The following APLF variants were observed in gnomAD, a reference collection of about 807,000 sequenced individuals.
APLF encodes aprataxin and PNKP like factor.
In APLF, 61 loss-of-function variants were observed where a neutral mutation model predicts 55.6. That is an observed-to-expected ratio of 1.10 (90% CI 0.89 to 1.36). APLF has a LOEUF of 1.36. Ranked by LOEUF, APLF falls within the 40% of genes most tolerant of loss-of-function variation. APLF has a pLI of 0.00. For missense variants in APLF, 611 were observed against 602.5 expected (o/e 1.01, Z -0.15); for synonymous variants, 207 against 214.8 (o/e 0.96, Z 0.32).
At chr2:68,555,044 G>GT (rs1670965723) in intron 8 of APLF, among the ~76,000 whole-genome samples, 2 of 151,908 alleles carry the variant, frequency 1.3e-5, no homozygotes, top group Non-Finnish European at 2.9e-5. Flanking sequence ...AGATGTTTGT[G>GT]TTTATAAAGT....
chr2:68,484,831 T>TA lies in APLF; in HGVS notation c.97-5348dup, dbSNP rs540905979. On this transcript the variant is annotated intron_variant, in intron 1 of 9. Transcript: ENST00000303795. ...GGCCAAAATGGCAAAATCCCATCTC[T>TA]AAAAAAAAAAATAAATACAACAATT... 2.0e-3 allele frequency among the ~76,000 whole-genome samples: 296 copies of TA among 146,642 alleles called. 2 individuals carry two copies. The highest frequency in any genetic ancestry group is 6.0e-3 in the African/African-American group (239 of 40,162).
At chr2:68,565,954 C>T (rs1429331022) in intron 8 of APLF, among the ~76,000 whole-genome samples, 1 of 152,066 alleles carries the variant, frequency 6.6e-6, no homozygotes, top group Non-Finnish European at 1.5e-5. Flanking sequence ...GGGTGAACTT[C>T]ATCTCCTTAG....
At position 68,551,811 on chromosome 2, in the gene APLF, C is replaced by T. The variant is rs74875793; in HGVS notation, c.1286+6499C>T. ...TTTTCTGCCTCTTTGTGTCTAGCAA[C>T]GCTTTATTGCAATTCTAACATATTT... On this transcript the variant is annotated intron_variant, in intron 8 of 9. Coordinates refer to ENST00000303795, the MANE Select transcript of APLF (RefSeq NM_173545.3). Among the ~76,000 whole-genome samples, 1,176 of 150,038 alleles carry T rather than the reference C, an allele frequency of 7.8e-3. 15 individuals are homozygous for T. Among genetic ancestry groups the T allele is most frequent in the African/African-American group, 0.028 (1,124 of 40,758 alleles).
chr2:68,518,061 A>G (rs913084620), intron 5 of APLF, among the ~76,000 whole-genome samples: 3 of 135,864 alleles, frequency 2.2e-5, no homozygotes, highest in Non-Finnish European at 3.1e-5. Context: ...TCATTAATAT[A>G]TAATATATCA....
chr2:68,521,189 G>A (rs72901932), intron 5 of APLF, among the ~76,000 whole-genome samples: 14,104 of 151,806 alleles, frequency 0.093, 787 homozygotes, highest in African/African-American at 0.14. Context: ...CTGGTTTTGT[G>A]TCCTGAAACT....
intron 6 of APLF, among the ~76,000 whole-genome samples, chr2:68,532,097 C>T (rs1670274102): frequency 6.6e-6 from 1 of 152,142 alleles, no homozygotes; most frequent in Non-Finnish European, 1.5e-5. Flanking sequence ...AGAGCCTTTC[C>T]AAACCCCACC....
At chr2:68,555,146 T>G (rs1670969673) in intron 8 of APLF, among the ~76,000 whole-genome samples, 1 of 152,108 alleles carries the variant, frequency 6.6e-6, no homozygotes, top group African/African-American at 2.4e-5. Context: ...TCTCACCTTA[T>G]ACAAAAATCA....
intron 2 of APLF, among the ~76,000 whole-genome samples, chr2:68,491,941 T>G (rs1362428004): frequency 6.6e-6 from 1 of 152,198 alleles, no homozygotes. Flanking sequence ...AAGAAACCCT[T>G]CTTATAACAA....
At chr2:68,557,974 T>TTTCTATATATGC (rs1671060916) in intron 8 of APLF, among the ~76,000 whole-genome samples, 1 of 152,074 alleles carries the variant, frequency 6.6e-6, no homozygotes, top group East Asian at 1.9e-4. Context: ...TCTGCATATA[T>TTTCTATATATGC]AGAAAGTAAC....
In APLF at chr2:68,538,223, T is replaced by C; in HGVS notation, c.1156T>C (p.Tyr386His). The change falls in exon 7 of 10, where the codon TAT (tyrosine) becomes CAT (histidine). Residue 386 changes from tyrosine (Y) to histidine (H), a missense_variant. Coordinates refer to ENST00000303795, the MANE Select transcript of APLF (RefSeq NM_173545.3). ...RTSCMYGANC[Y>H]RKNPVHFQHF... ...ATCCTGCATGTATGGGGCAAACTGC[T>C]ATAGGTAAAATGAAATTACAGTAAC... 6 of 1,591,434 alleles carry C rather than the reference T, an allele frequency of 3.8e-6. No homozygotes were observed. The highest frequency in any genetic ancestry group is 5.1e-6 in the Non-Finnish European group (6 of 1,170,988).
At chr2:68,554,747 T>G (rs1365288597) in intron 8 of APLF, among the ~76,000 whole-genome samples, 1 of 152,064 alleles carries the variant, frequency 6.6e-6, no homozygotes, top group Non-Finnish European at 1.5e-5. Flanking sequence ...ACATTGATTT[T>G]GTATCCGGAA....
intron 8 of APLF, 124 bp downstream of exon 8, chr2:68,545,436 T>C (rs1670678965): frequency 1.6e-6 from 2 of 1,238,210 alleles, no homozygotes; most frequent in South Asian, 4.2e-5. Context: ...TTCTGTAGAT[T>C]ACAGGTTTTC....
chr2:68,501,423 A>G (rs941384174), intron 2 of APLF, among the ~76,000 whole-genome samples: 1 of 150,772 alleles, frequency 6.6e-6, no homozygotes, highest in Non-Finnish European at 1.5e-5. Flanking sequence ...ATAAGATTGT[A>G]CTTAAAAAAA....
At chr2:68,513,021 A>G (rs1669443687) in intron 3 of APLF, 59 bp from the exon 4 acceptor site, 1 of 1,482,384 alleles carries the variant, frequency 6.7e-7, no homozygotes, top group Admixed American at 2.0e-5. Context: ...ATGTAGTTCT[A>G]AGGCAGCAGA....
chr2:68,496,262 C>T lies in APLF; in HGVS notation c.168+6001C>T, dbSNP rs111816336. 2.0e-3 allele frequency among the ~76,000 whole-genome samples: 298 copies of T among 152,084 alleles called. 1 individual carries two copies. Among genetic ancestry groups the T allele is most frequent in the African/African-American group, 6.5e-3 (271 of 41,496 alleles). On this transcript the variant is annotated intron_variant, in intron 2 of 9. Transcript: ENST00000303795. ...GACTACAGGCGCGTGTCACCACGCC[C>T]GGCTAATTTTTTTTGTATTTTTAGT... is the stretch of plus-strand genomic sequence containing the variant.
At chr2:68,516,980 A>C (rs1299541953) in intron 5 of APLF, among the ~76,000 whole-genome samples, 2 of 125,310 alleles carry the variant, frequency 1.6e-5, no homozygotes, top group Admixed American at 9.6e-5. Context: ...AATATAATAT[A>C]ATTATATATA....
chr2:68,486,850 ATT>A (rs1202558658), intron 1 of APLF, among the ~76,000 whole-genome samples: 1 of 152,138 alleles, frequency 6.6e-6, no homozygotes, highest in Non-Finnish European at 1.5e-5. Flanking sequence ...TGAAGTTTTA[ATT>A]TAAACTTGGT....
intron 8 of APLF, among the ~76,000 whole-genome samples, chr2:68,563,636 T>C (rs568174716): frequency 3.3e-4 from 50 of 152,228 alleles, no homozygotes; most frequent in Non-Finnish European, 1.3e-4. Context: ...GCTTAAACCA[T>C]ACTTGAGTCT....
chr2:68,496,624 C>T (rs953112101), intron 2 of APLF, among the ~76,000 whole-genome samples: 6 of 152,154 alleles, frequency 3.9e-5, no homozygotes, highest in East Asian at 1.9e-4. Context: ...GCAGCCAGGC[C>T]ACTTCTTGAA....
Sources: gnomAD v4.1 joint callset for allele counts (sites outside exome capture counted in the v4.1 genomes callset) on GRCh38, gnomAD v4.1.1 for gene constraint, MANE v1.5 for transcripts, NCBI Gene and HGNC (gene_info 2026-07-23, HGNC 2026-07-21) for gene names.